ABCC4: variants seen among roughly 807,000 people sequenced by gnomAD.
ABCC4 encodes ATP-binding cassette sub-family C member 4.
In ABCC4, 102 loss-of-function variants were observed where a neutral mutation model predicts 168.5. The ratio of observed to expected loss-of-function variants is 0.61; its 90% CI spans 0.52 to 0.71. ABCC4 has a LOEUF of 0.71. Ranked by LOEUF, ABCC4 falls within the 30% of genes least tolerant of loss-of-function variation. ABCC4 has a pLI of 0.00. For missense variants in ABCC4, 1,402 were observed against 1,605.8 expected (o/e 0.87, Z 2.17); for synonymous variants, 617 against 590.7 (o/e 1.04, Z -0.65).
At chr13:95,157,499 G>GAAGA in intron 19 of ABCC4, among the ~76,000 whole-genome samples, 1 of 149,278 alleles carries the variant, frequency 6.7e-6, no homozygotes, top group Admixed American at 6.7e-5. Flanking sequence ...AAGGAAGAAA[G>GAAGA]AGGAAGGAAG....
At chr13:95,150,175 G>C (rs2036627531) in intron 19 of ABCC4, among the ~76,000 whole-genome samples, 1 of 152,080 alleles carries the variant, frequency 6.6e-6, no homozygotes. Context: ...TATTGTCCGA[G>C]CTGCTTTCAA....
At chr13:95,143,369 C>G (rs1308883508) in intron 19 of ABCC4, among the ~76,000 whole-genome samples, 1 of 152,168 alleles carries the variant, frequency 6.6e-6, no homozygotes, top group Non-Finnish European at 1.5e-5. Flanking sequence ...AAAAGTTCAA[C>G]TGCATTTCCA....
chr13:95,181,614 T>C (rs1031790617), intron 11 of ABCC4, among the ~76,000 whole-genome samples: 17 of 152,244 alleles, frequency 1.1e-4, no homozygotes, highest in African/African-American at 3.4e-4. Context: ...GTAAGAGCTA[T>C]GCACCAACCA....
At chr13:95,100,170 C>T (rs2034746728) in intron 20 of ABCC4, among the ~76,000 whole-genome samples, 1 of 152,162 alleles carries the variant, frequency 6.6e-6, no homozygotes, top group Non-Finnish European at 1.5e-5. Flanking sequence ...CACGAATGGC[C>T]ACTATTGTTT....
At chr13:95,118,145 T>C (rs961591299) in intron 19 of ABCC4, among the ~76,000 whole-genome samples, 2 of 152,184 alleles carry the variant, frequency 1.3e-5, no homozygotes, top group East Asian at 1.9e-4. Context: ...AAAACTCTTA[T>C]CAACAATGAT....
At chr13:95,191,671 T>C (rs1004637908) in intron 9 of ABCC4, among the ~76,000 whole-genome samples, 1 of 152,204 alleles carries the variant, frequency 6.6e-6, no homozygotes, top group Non-Finnish European at 1.5e-5. Flanking sequence ...GTAACATCTG[T>C]CTCTTAAGAC....
At chr13:95,058,807 G>A (rs919084409) in intron 26 of ABCC4, among the ~76,000 whole-genome samples, 1 of 152,050 alleles carries the variant, frequency 6.6e-6, no homozygotes, top group Non-Finnish European at 1.5e-5. Flanking sequence ...CACCCTGCAG[G>A]GCTGCAGTGA....
At position 95,060,802 on chromosome 13, in the gene ABCC4, G is replaced by A. The variant is rs1214449552; in HGVS notation, c.3366+1902C>T. On this transcript the variant is annotated intron_variant, in intron 26 of 30. Coordinates refer to ENST00000645237, the MANE Select transcript of ABCC4 (RefSeq NM_005845.5). ...AAAGTCAACATTTCAGTGGTCTTAAGGACATTCACACTGTTTTGCAGCCAT... is the reference window on the plus strand; with the variant it reads ...AAAGTCAACATTTCAGTGGTCTTAAAGACATTCACACTGTTTTGCAGCCAT... 2.6e-5 allele frequency among the ~76,000 whole-genome samples: 4 copies of A among 152,134 alleles called. No homozygotes were observed. The East Asian group carries it at 7.7e-4, about 29-fold the overall frequency.
chr13:95,196,767 A>G (rs1376213768), intron 8 of ABCC4, among the ~76,000 whole-genome samples: 1 of 151,962 alleles, frequency 6.6e-6, no homozygotes, highest in African/African-American at 2.4e-5. Context: ...GAAAGAAAAA[A>G]GACCAGACCC....
intron 1 of ABCC4, among the ~76,000 whole-genome samples, chr13:95,264,557 A>G: frequency 6.6e-6 from 1 of 152,108 alleles, no homozygotes; most frequent in East Asian, 1.9e-4. Context: ...GTCACATCAC[A>G]TTTTTTTGTG....
At chr13:95,068,640 T>C (rs1467347966) in intron 25 of ABCC4, among the ~76,000 whole-genome samples, 3 of 152,202 alleles carry the variant, frequency 2.0e-5, no homozygotes, top group Non-Finnish European at 4.4e-5. Flanking sequence ...GTTGTAGCTA[T>C]AATTCAGTCT....
At chr13:95,223,440 G>A (rs1178841889) in intron 4 of ABCC4, among the ~76,000 whole-genome samples, 1 of 152,108 alleles carries the variant, frequency 6.6e-6, no homozygotes, top group East Asian at 1.9e-4. Context: ...TATGTTCAAA[G>A]AAACTGAGGA....
chr13:95,287,724 C>T (rs2041295409), intron 1 of ABCC4, among the ~76,000 whole-genome samples: 1 of 152,068 alleles, frequency 6.6e-6, no homozygotes, highest in African/African-American at 2.4e-5. Flanking sequence ...ACACTCTAGC[C>T]TGGGCAACAC....
chr13:95,283,139 C>T (rs2041169188), intron 1 of ABCC4, among the ~76,000 whole-genome samples: 1 of 151,100 alleles, frequency 6.6e-6, no homozygotes, highest in Non-Finnish European at 1.5e-5. Flanking sequence ...TCGCTTGAAC[C>T]TGGGAGGCGG....
rs554458228 is a variant in ABCC4 at position 95,150,470 on chromosome 13, C to T, written c.2455+10719G>A. 2.0e-5 allele frequency among the ~76,000 whole-genome samples: 3 copies of T among 152,188 alleles called. No individual in the cohort carries two copies. The South Asian group carries it at 6.2e-4, about 32-fold the overall frequency. ...TTAATAAACTTCCTCTCAAAAATGT[C>T]CTGTTTTTTTCCTCCCCCTCCCTCC... On this transcript the variant is annotated intron_variant, in intron 19 of 30. Transcript: ENST00000645237.
chr13:95,261,015 A>G (rs16950847), intron 1 of ABCC4, among the ~76,000 whole-genome samples: 1 of 151,728 alleles, frequency 6.6e-6, no homozygotes, highest in Non-Finnish European at 1.5e-5. Context: ...AAAATTCCAC[A>G]TCCTATTTCT....
chr13:95,135,377 C>T (rs943212513), intron 19 of ABCC4, among the ~76,000 whole-genome samples: 1 of 150,944 alleles, frequency 6.6e-6, no homozygotes, highest in African/African-American at 2.4e-5. Context: ...GAACACTCTA[C>T]ATTTCACGAT....
At chr13:95,274,866 C>A (rs759252814) in intron 1 of ABCC4, among the ~76,000 whole-genome samples, 2 of 152,146 alleles carry the variant, frequency 1.3e-5, no homozygotes, top group Non-Finnish European at 2.9e-5. Context: ...CACTTGACGT[C>A]AGGAGTTCGA....
intron 3 of ABCC4, among the ~76,000 whole-genome samples, chr13:95,245,812 C>T (rs2040088796): frequency 6.6e-6 from 1 of 151,998 alleles, no homozygotes; most frequent in Non-Finnish European, 1.5e-5. Flanking sequence ...CACTGCCCAC[C>T]GTGCCCTCCA....
Sources: allele counts gnomAD v4.1 joint callset (sites outside exome capture counted in the v4.1 genomes callset), GRCh38; gene constraint gnomAD v4.1.1; transcripts MANE v1.5; gene names NCBI Gene and HGNC (gene_info 2026-07-23, HGNC 2026-07-21).